APBB2: variants seen among roughly 807,000 people sequenced by gnomAD.
APBB2 encodes the protein amyloid beta precursor protein binding family B member 2.
In APBB2, 38 loss-of-function variants were observed where a neutral mutation model predicts 82.5. That is an observed-to-expected ratio of 0.46 (90% confidence interval 0.36 to 0.60). The LOEUF (loss-of-function observed/expected upper bound fraction) is 0.60. APBB2 is among the 20% of genes least tolerant of loss of function. The pLI is 0.00. For synonymous variants in APBB2, 341 were observed against 368.2 expected (o/e 0.93, Z 0.85); for missense variants, 772 against 972.3 (o/e 0.79, Z 2.74).
At chr4:41,030,489 T>C (rs1173595890) in intron 5 of APBB2, among the ~76,000 whole-genome samples, 6 of 152,270 alleles carry the variant, frequency 3.9e-5, no homozygotes, top group Non-Finnish European at 7.3e-5. Flanking sequence ...CTCAAATTCC[T>C]GGGCTCAAGC....
intron 6 of APBB2, among the ~76,000 whole-genome samples, chr4:40,952,357 T>G (rs1790436840): frequency 6.6e-6 from 1 of 152,126 alleles, no homozygotes; most frequent in Non-Finnish European, 1.5e-5. Context: ...TTATACACCG[T>G]GTATGCCCCT....
At chr4:40,951,955 G>T (rs188949255) in intron 6 of APBB2, among the ~76,000 whole-genome samples, 10 of 152,070 alleles carry the variant, frequency 6.6e-5, no homozygotes, top group African/African-American at 2.2e-4. Flanking sequence ...AGAGGCCAAG[G>T]GGGGGTGGAT....
intron 12 of APBB2, among the ~76,000 whole-genome samples, chr4:40,841,226 C>T (rs1247160905): frequency 6.6e-6 from 1 of 152,172 alleles, no homozygotes; most frequent in Non-Finnish European, 1.5e-5. Context: ...GGACTCATCA[C>T]TTCCAGCTCC....
chr4:40,975,789 C>CACACACACA (rs1441223479), intron 6 of APBB2, among the ~76,000 whole-genome samples: 8 of 147,710 alleles, frequency 5.4e-5, no homozygotes, highest in African/African-American at 2.0e-4. Context: ...CACACACACA[C>CACACACACA]AACAACCACT....
intron 6 of APBB2, among the ~76,000 whole-genome samples, chr4:40,945,958 C>T (rs185970852): frequency 4.6e-5 from 7 of 152,260 alleles, no homozygotes; most frequent in East Asian, 1.9e-4. Flanking sequence ...GAAGGCCGGG[C>T]GTGGTGGTTC....
chr4:41,008,488 T>C (rs1807410478), intron 6 of APBB2, among the ~76,000 whole-genome samples: 1 of 152,194 alleles, frequency 6.6e-6, no homozygotes, highest in African/African-American at 2.4e-5. Flanking sequence ...CTTGCCATAT[T>C]CCAGGCACTG....
Position 41,071,219 on chromosome 4 carries a change from A to G in APBB2, c.-148-5546T>C, listed in dbSNP as rs567861433. Among the ~76,000 whole-genome samples the G allele has an allele frequency of 2.0e-5, 3 of 152,334 alleles. No individual in the cohort carries two copies. The East Asian group carries it at 5.8e-4, about 29-fold the overall frequency. On this transcript the variant is annotated intron_variant, in intron 3 of 17. Transcript: ENST00000508593. ...CTAAAAGATAAGTTTGTACACAAAA[A>G]ATTTTTAAATGGCTTTACTTAAAGC...
chr4:40,883,781 G>A (rs553693840), intron 12 of APBB2, among the ~76,000 whole-genome samples: 2 of 151,150 alleles, frequency 1.3e-5, no homozygotes, highest in South Asian at 2.1e-4. Context: ...AGATCGCCTC[G>A]TTCCATTCTG....
intron 1 of APBB2, among the ~76,000 whole-genome samples, chr4:41,160,486 A>T (rs1238101464): frequency 6.6e-6 from 1 of 152,224 alleles, no homozygotes; most frequent in African/African-American, 2.4e-5. Flanking sequence ...AGATTGCAGC[A>T]GACATAACCA....
At chr4:41,038,799 GA>G (rs1238443931) in intron 4 of APBB2, among the ~76,000 whole-genome samples, 4 of 152,042 alleles carry the variant, frequency 2.6e-5, no homozygotes, top group African/African-American at 9.7e-5. Context: ...ATAAATTCCA[GA>G]AAAGGGGGAA....
chr4:40,999,598 T>G (rs2154418517), intron 6 of APBB2, among the ~76,000 whole-genome samples: 1 of 152,318 alleles, frequency 6.6e-6, no homozygotes, highest in South Asian at 2.1e-4. Context: ...GGTATCAATA[T>G]CACCTGAGAG....
At chr4:41,083,366 CATT>C (rs374369132) in intron 3 of APBB2, among the ~76,000 whole-genome samples, 36 of 152,096 alleles carry the variant, frequency 2.4e-4, no homozygotes, top group African/African-American at 8.2e-4. Flanking sequence ...GCTTACAGGT[CATT>C]TTTTTCCACT....
chr4:41,020,668 T>G (rs1811236801), intron 5 of APBB2, among the ~76,000 whole-genome samples: 1 of 152,214 alleles, frequency 6.6e-6, no homozygotes, highest in Admixed American at 6.5e-5. Flanking sequence ...CTTACAACGT[T>G]TTCAACAAAA....
intron 10 of APBB2, among the ~76,000 whole-genome samples, chr4:40,899,459 C>A (rs1774639767): frequency 6.6e-6 from 1 of 150,856 alleles, no homozygotes; most frequent in East Asian, 1.9e-4. Context: ...GAGGACCTCT[C>A]CCTAAAACAT....
At chr4:40,946,837 C>T (rs550388582) in intron 6 of APBB2, among the ~76,000 whole-genome samples, 4 of 152,294 alleles carry the variant, frequency 2.6e-5, no homozygotes, top group South Asian at 2.1e-4. Context: ...GTGCAAGTGT[C>T]GCTGCATCAC....
chr4:41,148,048 A>G (rs1761276368), intron 1 of APBB2, among the ~76,000 whole-genome samples: 1 of 152,162 alleles, frequency 6.6e-6, no homozygotes, highest in South Asian at 2.1e-4. Flanking sequence ...AAGAATATAA[A>G]TTGTTTGAAA....
intron 3 of APBB2, among the ~76,000 whole-genome samples, chr4:41,092,988 C>T (rs534912457): frequency 6.6e-6 from 1 of 152,096 alleles, no homozygotes; most frequent in Non-Finnish European, 1.5e-5. Context: ...AACTTACTGT[C>T]GACTGAGGCT....
intron 6 of APBB2, among the ~76,000 whole-genome samples, chr4:40,974,662 A>G (rs1301172919): frequency 6.6e-6 from 1 of 152,230 alleles, no homozygotes; most frequent in Non-Finnish European, 1.5e-5. Context: ...TATCTCCATG[A>G]AGATCTGTCT....
chr4:40,880,420 G>T (rs1768143538), intron 12 of APBB2: 1 of 985,288 alleles, frequency 1.0e-6, no homozygotes, highest in Non-Finnish European at 1.2e-6. Flanking sequence ...TATGAAAAGT[G>T]GTGACTGCAC....
Sources: allele counts gnomAD v4.1 joint callset (sites outside exome capture counted in the v4.1 genomes callset), GRCh38; gene constraint gnomAD v4.1.1; transcripts MANE v1.5; gene names NCBI Gene and HGNC (gene_info 2026-07-23, HGNC 2026-07-21).